Variants in DGKB observed in about 807,000 individuals in gnomAD.
DGKB encodes the protein 90 kDa diacylglycerol kinase.
A neutral mutation model predicts 114.3 loss-of-function variants in DGKB; 67 were observed. The ratio of observed to expected loss-of-function variants is 0.59; its 90% CI spans 0.48 to 0.72. The LOEUF (loss-of-function observed/expected upper bound fraction) is 0.72. DGKB is among the 30% of genes least tolerant of loss of function. DGKB has a pLI of 0.00. For synonymous variants in DGKB, 398 were observed against 323.1 expected, an observed-to-expected ratio of 1.23 and a Z score of -2.49; for missense variants, 907 against 975.2, an observed-to-expected ratio of 0.93 and a Z score of 0.93.
Position 14,667,185 on chromosome 7 carries a change from T to C in DGKB, c.1134+5744A>G, listed in dbSNP as rs373403818. Among the ~76,000 whole-genome samples, 9 of 151,822 alleles carry C rather than the reference T, an allele frequency of 5.9e-5. No homozygotes were observed. In the East Asian group the frequency reaches 7.8e-4, roughly 13 times the overall value. ...ATTAACCTACAGCTTATAACAACGA[T>C]TGGGGAGGAATGGGAAGGCTGAGAA... On this transcript the variant is annotated intron_variant, in intron 13 of 25. Coordinates refer to ENST00000402815, the MANE Select transcript of DGKB (RefSeq NM_001350709.2).
At chr7:14,792,927 C>G (rs1586551118) in intron 2 of DGKB, among the ~76,000 whole-genome samples, 1 of 152,042 alleles carries the variant, frequency 6.6e-6, no homozygotes, top group African/African-American at 2.4e-5. Flanking sequence ...TACAGATTAA[C>G]TCTATAAAAA....
At chr7:14,618,800 A>T (rs1334286568) in intron 15 of DGKB, among the ~76,000 whole-genome samples, 1 of 151,632 alleles carries the variant, frequency 6.6e-6, no homozygotes, top group East Asian at 1.9e-4. Context: ...ACTATGATTA[A>T]TAGTCTTCTT....
chr7:14,739,163 G>A (rs1194816647), intron 4 of DGKB, among the ~76,000 whole-genome samples: 2 of 152,198 alleles, frequency 1.3e-5, no homozygotes, highest in Non-Finnish European at 2.9e-5. Context: ...AATATCTAAC[G>A]ATAGAGGCAG....
chr7:14,538,932 T>C (rs778746183), intron 20 of DGKB, among the ~76,000 whole-genome samples: 1 of 152,098 alleles, frequency 6.6e-6, no homozygotes, highest in South Asian at 2.1e-4. Context: ...AACAGTCTCA[T>C]GTATAGAAAT....
At chr7:14,248,200 T>C (rs1481816075) in intron 23 of DGKB, among the ~76,000 whole-genome samples, 1 of 152,122 alleles carries the variant, frequency 6.6e-6, no homozygotes, top group Non-Finnish European at 1.5e-5. Context: ...GTTTCATTGG[T>C]TGACATGTCT....
chr7:14,909,486 T>C (rs1783876075), intron 1 of DGKB, among the ~76,000 whole-genome samples: 1 of 152,208 alleles, frequency 6.6e-6, no homozygotes, highest in South Asian at 2.1e-4. Context: ...AGAAGCACTT[T>C]AATAATTTGT....
Position 14,485,636 on chromosome 7 carries a change from C to T in DGKB, c.1771-7411G>A, listed in dbSNP as rs549300113. On this transcript the variant is annotated intron_variant, in intron 20 of 25. Coordinates refer to ENST00000402815, the MANE Select transcript of DGKB (RefSeq NM_001350709.2). ...ACACCTGGCCGGGTGCGGTGGCTCA[C>T]GCCTGTAATCCCAGCACTTTGGGAG... Among the ~76,000 whole-genome samples the T allele has an allele frequency of 3.3e-5, 5 of 152,048 alleles. No individual in the cohort carries two copies. In the East Asian group the frequency reaches 5.8e-4, roughly 18 times the overall value.
At chr7:14,866,593 C>T (rs1587013885) in intron 1 of DGKB, among the ~76,000 whole-genome samples, 1 of 152,054 alleles carries the variant, frequency 6.6e-6, no homozygotes, top group African/African-American at 2.4e-5. Context: ...GAATAATATT[C>T]CATTGTCTGG....
intron 14 of DGKB, among the ~76,000 whole-genome samples, chr7:14,623,524 T>C (rs910659740): frequency 7.9e-5 from 12 of 152,136 alleles, no homozygotes; most frequent in African/African-American, 1.7e-4. Context: ...GCTTTGAAAG[T>C]AAAGCTGTTT....
rs1166532301 is a variant in DGKB at position 14,740,170 on chromosome 7, G to C, written c.169-3976C>G. 2.0e-5 allele frequency among the ~76,000 whole-genome samples: 3 copies of C among 151,198 alleles called. No individual in the cohort carries two copies. The East Asian group carries it at 5.8e-4, about 29-fold the overall frequency. ...TCCAGCTCAGTGGGACAACAATTAAGTTTCTCTCTGTTTGCATAAGAACAA... is the reference window on the plus strand; with the variant it reads ...TCCAGCTCAGTGGGACAACAATTAACTTTCTCTCTGTTTGCATAAGAACAA... On this transcript the variant is annotated intron_variant, in intron 4 of 25. Transcript: ENST00000402815.
rs201387424 is a variant in DGKB, at chr7:14,241,937, GATATATACACACACACAT to G, written c.2123-63804_2123-63787del. ...AGATATATACACACACACACATATAGATATATACACACACACATATACACACACACACACACACACACA... is the reference window on the plus strand; with the variant it reads ...AGATATATACACACACACACATATAGATACACACACACACACACACACACA... On this transcript the variant is annotated intron_variant, in intron 23 of 25. Coordinates refer to ENST00000402815, the MANE Select transcript of DGKB (RefSeq NM_001350709.2). Among the ~76,000 whole-genome samples the G allele has an allele frequency of 1.8e-3, 257 of 139,274 alleles. 1 individual carries two copies. The highest frequency in any genetic ancestry group is 0.01 in the South Asian group (47 of 4,540). The allele number at this position is 139,274 out of a possible 152,430, so 91.4% of individuals were successfully genotyped here. A position where few individuals can be genotyped will look rare whatever the true frequency, so the allele number is the denominator to read the frequency against.
At chr7:14,482,269 T>C (rs1041022015) in intron 20 of DGKB, among the ~76,000 whole-genome samples, 5 of 152,014 alleles carry the variant, frequency 3.3e-5, no homozygotes, top group East Asian at 3.8e-4. Context: ...CTGAAAAATA[T>C]TCATGATTTT....
At chr7:14,324,415 C>A (rs1377913644) in intron 23 of DGKB, among the ~76,000 whole-genome samples, 2 of 149,032 alleles carry the variant, frequency 1.3e-5, no homozygotes, top group Non-Finnish European at 3.0e-5. Flanking sequence ...CCACCGCACT[C>A]CAGCCTGGGT....
chr7:14,332,214 A>G (rs1425848448), intron 23 of DGKB, among the ~76,000 whole-genome samples: 2 of 152,078 alleles, frequency 1.3e-5, no homozygotes, highest in East Asian at 3.9e-4. Context: ...TCTCATTCTC[A>G]CAGTCACCAT....
rs370713227 is a variant in DGKB, at chr7:14,152,044, G to C, written c.2305-2806C>G. 2.0e-5 allele frequency among the ~76,000 whole-genome samples: 3 copies of C among 152,054 alleles called. No individual in the cohort carries two copies. In the South Asian group the frequency reaches 6.2e-4, roughly 32 times the overall value. ...GCTCATGTGGGAAAATCCTGGTTACGGGGGGTTAACAGGGCCTGTAATTAT... is the reference window on the plus strand; with the variant it reads ...GCTCATGTGGGAAAATCCTGGTTACCGGGGGTTAACAGGGCCTGTAATTAT... On this transcript the variant is annotated intron_variant, in intron 25 of 25. Transcript: ENST00000402815.
intron 1 of DGKB, among the ~76,000 whole-genome samples, chr7:14,882,129 AT>A (rs2128214677): frequency 6.6e-6 from 1 of 152,142 alleles, no homozygotes; most frequent in East Asian, 1.9e-4. Flanking sequence ...TCTCAAAAAG[AT>A]TAATAGAGAG....
intron 17 of DGKB, among the ~76,000 whole-genome samples, chr7:14,586,783 C>A (rs140573850): frequency 2.0e-5 from 3 of 151,452 alleles, no homozygotes; most frequent in South Asian, 4.2e-4. Flanking sequence ...TGGAACAAAG[C>A]GTGAGGGATA....
intron 23 of DGKB, among the ~76,000 whole-genome samples, chr7:14,197,391 C>T (rs1019409790): frequency 4.6e-5 from 7 of 150,862 alleles, no homozygotes; most frequent in Admixed American, 4.0e-4. Context: ...TTGAACAAAC[C>T]GTAAAAAAAA....
chr7:14,928,059 T>C (rs1022324772), intron 1 of DGKB, among the ~76,000 whole-genome samples: 4 of 151,964 alleles, frequency 2.6e-5, no homozygotes, highest in African/African-American at 7.2e-5. Flanking sequence ...GTCTGTGAAT[T>C]TGAAAAATCT....
Sources: allele counts gnomAD v4.1 joint callset (sites outside exome capture counted in the v4.1 genomes callset), GRCh38; gene constraint gnomAD v4.1.1; transcripts MANE v1.5; gene names NCBI Gene and HGNC (gene_info 2026-07-23, HGNC 2026-07-21).